ATP9B: variants seen among roughly 807,000 people sequenced by gnomAD.
ATP9B encodes ATPase phospholipid transporting 9B.
ATP9B carries 110 observed loss-of-function variants against 146.1 expected under a neutral mutation model. The ratio of observed to expected loss-of-function variants is 0.75; its 90% CI spans 0.65 to 0.88. The LOEUF is 0.88. ATP9B is among the 40% of genes least tolerant of loss of function. The pLI is 0.00. For synonymous variants in ATP9B, 604 were observed against 569.7 expected (o/e 1.06, Z -0.86); for missense variants, 1,499 against 1,496.4 (o/e 1.00, Z -0.03).
intron 5 of ATP9B, among the ~76,000 whole-genome samples, chr18:79,127,235 T>C (rs962171556): frequency 2.0e-5 from 3 of 152,218 alleles, no homozygotes; most frequent in Non-Finnish European, 4.4e-5. Context: ...AAGTATACAA[T>C]TCAGTGTTTT....
chr18:79,347,717 C>T (rs2096898041), intron 23 of ATP9B, 53 bp from the exon 24 acceptor site: 2 of 1,486,298 alleles, frequency 1.3e-6, no homozygotes, highest in Non-Finnish European at 1.8e-6. Context: ...CTTTTGGAGT[C>T]TGATTTCCAG....
intron 1 of ATP9B, among the ~76,000 whole-genome samples, chr18:79,077,381 T>C (rs2072744962): frequency 6.6e-6 from 1 of 152,142 alleles, no homozygotes; most frequent in African/African-American, 2.4e-5. Context: ...GGCTCCCCAG[T>C]GGTCTCTGCT....
chr18:79,355,942 C>G (rs1370583134), intron 25 of ATP9B, among the ~76,000 whole-genome samples: 1 of 152,108 alleles, frequency 6.6e-6, no homozygotes, highest in African/African-American at 2.4e-5. Flanking sequence ...GGAGAAAGGC[C>G]TCATGGGCAC....
chr18:79,149,863 A>G (rs1181875385), intron 6 of ATP9B, among the ~76,000 whole-genome samples: 1 of 152,088 alleles, frequency 6.6e-6, no homozygotes, highest in Non-Finnish European at 1.5e-5. Flanking sequence ...GGGACGGATC[A>G]CAAGGTCAAG....
chr18:79,120,768 G>A (rs1351062946), intron 4 of ATP9B, among the ~76,000 whole-genome samples: 4 of 152,188 alleles, frequency 2.6e-5, no homozygotes, highest in African/African-American at 9.6e-5. Context: ...TATATAAAAT[G>A]TCTTCTGCTA....
At chr18:79,300,182 C>A (rs2096581084) in intron 13 of ATP9B, among the ~76,000 whole-genome samples, 2 of 152,148 alleles carry the variant, frequency 1.3e-5, no homozygotes, top group South Asian at 4.1e-4. Flanking sequence ...AGGAGGGGGG[C>A]ACTCCATGTC....
At chr18:79,367,251 C>G (rs1241142588) in intron 26 of ATP9B, among the ~76,000 whole-genome samples, 18 of 129,118 alleles carry the variant, frequency 1.4e-4, no homozygotes, top group South Asian at 2.7e-4. Context: ...ATCTTCACCT[C>G]CACCGTGTGT....
intron 25 of ATP9B, among the ~76,000 whole-genome samples, chr18:79,349,739 A>G (rs9957980): frequency 0.13 from 20,507 of 152,112 alleles, 1,502 homozygotes; most frequent in Admixed American, 0.18. Context: ...TGAGCTGTCC[A>G]AGGAGCATGC....
Position 79,307,265 on chromosome 18 carries a change from G to C in ATP9B, c.1773+31G>C, listed in dbSNP as rs549153951. The C allele has an allele frequency of 2.0e-5, 32 of 1,613,166 alleles. No homozygotes were observed. In the South Asian group the frequency reaches 3.4e-4, roughly 17 times the overall value. Reference sequence around the variant, plus strand: ...TCAAAGCACAAAACCGTGGGAGCTTGTCCGTTCCATTTGGACTCCAGAGTC... The same window carrying C: ...TCAAAGCACAAAACCGTGGGAGCTTCTCCGTTCCATTTGGACTCCAGAGTC... On this transcript the variant is annotated intron_variant, in intron 15 of 29. Transcript: ENST00000426216.
At chr18:79,305,480 G>A (rs1319465327) in intron 14 of ATP9B, among the ~76,000 whole-genome samples, 5 of 151,920 alleles carry the variant, frequency 3.3e-5, no homozygotes, top group Non-Finnish European at 5.9e-5. Context: ...ATTTAGATAC[G>A]GAATATTTGT....
intron 11 of ATP9B, among the ~76,000 whole-genome samples, chr18:79,229,921 A>G (rs1357616907): frequency 6.6e-6 from 1 of 152,206 alleles, no homozygotes; most frequent in Admixed American, 6.5e-5. Flanking sequence ...AGGATGTTTG[A>G]CATGCTAGGT....
rs1157744399 is a variant in ATP9B at position 79,322,867 on chromosome 18, C to T, written c.1774-6274C>T. Among the ~76,000 whole-genome samples the T allele has an allele frequency of 5.3e-5, 8 of 152,344 alleles. No homozygotes were observed. The South Asian group carries it at 8.3e-4, about 16-fold the overall frequency. On this transcript the variant is annotated intron_variant, in intron 15 of 29. Transcript: ENST00000426216. ...ACATGCAGCAAAGTTAAATATGGTACTTCAGACAGAGTCAGACCGTCCTGA... is the reference window on the plus strand; with the variant it reads ...ACATGCAGCAAAGTTAAATATGGTATTTCAGACAGAGTCAGACCGTCCTGA...
rs1196671374 is a variant in ATP9B, at chr18:79,239,709, A to G, written c.1108-13672A>G. Among the ~76,000 whole-genome samples, 3 of 152,058 alleles carry G rather than the reference A, an allele frequency of 2.0e-5. No homozygotes were observed. Among genetic ancestry groups the G allele is most frequent in the Non-Finnish European group, 4.4e-5 (3 of 68,022 alleles). On this transcript the variant is annotated intron_variant, in intron 11 of 29. Transcript: ENST00000426216. The surrounding 1 kb of genome is among the most constrained non-coding windows in gnomAD (Gnocchi z 5.1). ...TGACTGCAGTTTCTTTTATCATGTA[A>G]ATTTCTTTCATGTAAGTTACATGAT...
intron 7 of ATP9B, among the ~76,000 whole-genome samples, chr18:79,172,221 C>T (rs1294689017): frequency 5.6e-5 from 8 of 142,172 alleles, no homozygotes; most frequent in Non-Finnish European, 1.1e-4. Flanking sequence ...CCTTGCGATC[C>T]GCCTTGGCCT....
At chr18:79,323,630 G>T (rs2096728268) in intron 15 of ATP9B, among the ~76,000 whole-genome samples, 1 of 152,184 alleles carries the variant, frequency 6.6e-6, no homozygotes, top group South Asian at 2.1e-4. Flanking sequence ...TGTTGTAGAT[G>T]AAAGGGTCTC....
rs746305750 is a variant in ATP9B at position 79,307,105 on chromosome 18, C to A, written c.1644C>A (p.Ile548=). ...SSRIHEAVKA[I]VLCHNVTPVY... is the part of the protein sequence containing the mutation. ...GAATCCATGAAGCCGTGAAAGCCATCGTGCTGTGTCACAACGTGACCCCCG... is the reference window on the plus strand; with the variant it reads ...GAATCCATGAAGCCGTGAAAGCCATAGTGCTGTGTCACAACGTGACCCCCG... Residue 548 remains isoleucine, a synonymous_variant, in exon 15 of 30, where the codon ATC becomes ATA. Transcript: ENST00000426216. 2.5e-6 allele frequency: 4 copies of A among 1,614,068 alleles called. No individual in the cohort carries two copies. The South Asian group carries it at 4.4e-5, about 18-fold the overall frequency.
rs115963355 is a variant in ATP9B at position 79,272,767 on chromosome 18, C to T, written c.1269-4287C>T. 6.5e-3 allele frequency among the ~76,000 whole-genome samples: 994 copies of T among 152,362 alleles called. 4 individuals are homozygous for T. The highest frequency in any genetic ancestry group is 0.022 in the African/African-American group (929 of 41,586). On this transcript the variant is annotated intron_variant, in intron 12 of 29. Transcript: ENST00000426216. Reference sequence around the variant, plus strand: ...ATTGATTACTTGCTCCACTGTAACTCTCAGTCACCTTCTGTTATGCATCAT... The same window carrying T: ...ATTGATTACTTGCTCCACTGTAACTTTCAGTCACCTTCTGTTATGCATCAT...
At chr18:79,238,443 C>T (rs143547172) in intron 11 of ATP9B, among the ~76,000 whole-genome samples, 44 of 152,308 alleles carry the variant, frequency 2.9e-4, no homozygotes, top group African/African-American at 9.6e-4. Flanking sequence ...CTGGGAGCAG[C>T]GTGGGCTGCT....
intron 5 of ATP9B, among the ~76,000 whole-genome samples, chr18:79,138,216 T>C (rs769445412): frequency 6.6e-6 from 1 of 152,230 alleles, no homozygotes; most frequent in Non-Finnish European, 1.5e-5. Flanking sequence ...AGCTAGAAGA[T>C]AGCAGTAATT....
Sources: allele counts gnomAD v4.1 joint callset (sites outside exome capture counted in the v4.1 genomes callset), GRCh38; gene constraint gnomAD v4.1.1; non-coding constraint Gnocchi (gnomAD v3.1); transcripts MANE v1.5; gene names NCBI Gene and HGNC (gene_info 2026-07-23, HGNC 2026-07-21).